The following ADI1 variants were observed in gnomAD, a reference collection of about 807,000 sequenced individuals.
ADI1 encodes acireductone dioxygenase 1.
A neutral mutation model predicts 18.7 loss-of-function variants in ADI1; 21 were observed. The observed-to-expected ratio is 1.13, with a 90% CI of 0.80 to 1.62. ADI1 has a LOEUF of 1.62. ADI1 is among the 40% of genes most tolerant of loss of function. The pLI, the probability that ADI1 is intolerant of heterozygous loss-of-function variation, is 0.00. For synonymous variants in ADI1, 90 were observed against 100.1 expected, an observed-to-expected ratio of 0.90 and a Z score of 0.60; for missense variants, 245 against 254.9, an observed-to-expected ratio of 0.96 and a Z score of 0.26.
Position 3,519,506 on chromosome 2 carries a change from C to G in ADI1, c.-19G>C, listed in dbSNP as rs1027796907. 9.5e-6 allele frequency: 12 copies of G among 1,269,096 alleles called. No individual in the cohort carries two copies. The highest frequency in any genetic ancestry group is 3.1e-5 in the East Asian group (1 of 32,182). 78.6% of individuals were successfully genotyped at this position (1,269,096 alleles called of 1,614,324 possible). ...GCACCATGACGCGCAGTGCGGGTGC[C>G]GTGTTCGAACCCAGGGGCCGCGCTC... On this transcript the variant is annotated 5_prime_UTR_variant, in exon 1 of 4. Transcript: ENST00000327435.
chr2:3,502,332 A>T (rs1667041827), intron 2 of ADI1, among the ~76,000 whole-genome samples: 1 of 152,156 alleles, frequency 6.6e-6, no homozygotes, highest in African/African-American at 2.4e-5. Context: ...CCCCCAGCCT[A>T]CCTTGTTATG....
intron 2 of ADI1, among the ~76,000 whole-genome samples, chr2:3,510,384 C>T (rs1030903829): frequency 6.6e-6 from 1 of 152,044 alleles, no homozygotes; most frequent in South Asian, 2.1e-4. Context: ...GTGACTTCAG[C>T]TTCCAACTAG....
chr2:3,518,767 G>T (rs1220922306), intron 1 of ADI1, among the ~76,000 whole-genome samples: 1 of 152,194 alleles, frequency 6.6e-6, no homozygotes, highest in African/African-American at 2.4e-5. Flanking sequence ...TTTGACCGAG[G>T]TTAGCCAGGC....
At chr2:3,500,660 G>T in intron 3 of ADI1, 154 bp downstream of exon 3, 1 of 1,003,362 alleles carries the variant, frequency 1.0e-6, no homozygotes, top group Non-Finnish European at 1.5e-6. Context: ...CATCGCCTGC[G>T]GCTCCACAGA....
chr2:3,504,903 T>TGGTTCACCTGAGAATGTTTGCATTGTC (rs1667141411), intron 2 of ADI1, among the ~76,000 whole-genome samples: 1 of 152,096 alleles, frequency 6.6e-6, no homozygotes, highest in East Asian at 1.9e-4. Context: ...TTTGCGTTGT[T>TGGTTCACCTGAGAATGTTTGCATTGTC]GGTTCACCTG....
intron 2 of ADI1, among the ~76,000 whole-genome samples, chr2:3,501,434 G>C (rs1367508661): frequency 2.0e-5 from 3 of 152,212 alleles, no homozygotes; most frequent in African/African-American, 4.8e-5. Flanking sequence ...GCACACAGCA[G>C]TCATGAAATC....
At chr2:3,501,026 C>T (rs745494511) in intron 2 of ADI1, 33 bp from the exon 3 acceptor site, 1 of 1,540,382 alleles carries the variant, frequency 6.5e-7, no homozygotes, top group East Asian at 2.3e-5. Context: ...GTGAGTCTAC[C>T]AGAGACCTGT....
chr2:3,513,559 A>T (rs1360738602), intron 2 of ADI1, among the ~76,000 whole-genome samples: 1 of 152,120 alleles, frequency 6.6e-6, no homozygotes, highest in Non-Finnish European at 1.5e-5. Context: ...TCTCTCTTTC[A>T]TTCCCACTCC....
At chr2:3,514,873 G>A (rs1410726382) in intron 1 of ADI1, 1 of 1,545,434 alleles carries the variant, frequency 6.5e-7, no homozygotes, top group African/African-American at 1.4e-5. Context: ...CTGGAGCCAT[G>A]GCAGAGGAAC....
At chr2:3,515,345 A>G (rs1558430032) in intron 1 of ADI1, 1 of 153,470 alleles carries the variant, frequency 6.5e-6, no homozygotes, top group East Asian at 1.9e-4. Context: ...GGTTGAGATA[A>G]GGACTGAGAT....
intron 2 of ADI1, among the ~76,000 whole-genome samples, chr2:3,503,173 TCA>T (rs759652857): frequency 3.5e-4 from 53 of 151,222 alleles, no homozygotes; most frequent in Admixed American, 5.9e-4. Flanking sequence ...ATGCGTACAT[TCA>T]CACTCACATG....
At chr2:3,516,916 G>T (rs75733531) in intron 1 of ADI1, 19 of 983,118 alleles carry the variant, frequency 1.9e-5, no homozygotes. Context: ...TGGCTTTTTT[G>T]TTTTTTGGGT....
At chr2:3,513,772 TA>T in intron 2 of ADI1, 84 bp downstream of exon 2, 1 of 1,424,968 alleles carries the variant, frequency 7.0e-7, no homozygotes, top group Non-Finnish European at 9.4e-7. Flanking sequence ...ATACAGACAT[TA>T]AAAGAAAAAA....
intron 2 of ADI1, among the ~76,000 whole-genome samples, chr2:3,511,129 G>A (rs910159055): frequency 6.6e-6 from 1 of 152,212 alleles, no homozygotes; most frequent in African/African-American, 2.4e-5. Context: ...ACCACAGTGA[G>A]TGACTTCTCA....
At chr2:3,501,803 C>G (rs1180511706) in intron 2 of ADI1, among the ~76,000 whole-genome samples, 2 of 152,158 alleles carry the variant, frequency 1.3e-5, no homozygotes, top group Non-Finnish European at 2.9e-5. Context: ...GCTGGGATTC[C>G]AGGTGGAAGC....
chr2:3,516,925 G>GT lies in ADI1; in HGVS notation c.120+2442dup, dbSNP rs1040506993. On this transcript the variant is annotated intron_variant, in intron 1 of 3. Coordinates refer to ENST00000327435, the MANE Select transcript of ADI1 (RefSeq NM_018269.4). The stretch of plus-strand genomic sequence containing the variant: ...TGTGTGTGGCTTTTTTGTTTTTTGG[G>GT]TTTTTTTAGAGATGAGGTCTCAAAC... 63 of 984,892 alleles carry GT rather than the reference G, an allele frequency of 6.4e-5. 1 individual carries two copies. The Admixed American group carries it at 2.8e-3, about 44-fold the overall frequency. The allele number at this position is 984,892 out of a possible 1,614,324, so 61.0% of individuals were successfully genotyped here. A position where few individuals can be genotyped will look rare whatever the true frequency, so the allele number is the denominator to read the frequency against.
In ADI1 at chr2:3,498,641, T is replaced by G. The variant is rs188601518; in HGVS notation, c.*322A>C. 63 of 240,456 alleles carry G rather than the reference T, an allele frequency of 2.6e-4. No homozygotes were observed. Among genetic ancestry groups the G allele is most frequent in the African/African-American group, 1.3e-3 (60 of 44,924 alleles). 14.9% of individuals were successfully genotyped at this position (240,456 alleles called of 1,614,324 possible). On this transcript the variant is annotated 3_prime_UTR_variant, in exon 4 of 4. Transcript: ENST00000327435. ...ACCTTCTTACACGGCAGGCGCGGCA[T>G]CACGTCCAGATGGGCATCTAAGGAA...
chr2:3,500,389 G>A (rs548000136), intron 3 of ADI1, among the ~76,000 whole-genome samples: 1 of 56,770 alleles, frequency 1.8e-5, no homozygotes, highest in African/African-American at 2.6e-4. Flanking sequence ...AAACTGAAAT[G>A]TTTTTAAAAG....
chr2:3,516,623 C>G (rs898858922), intron 1 of ADI1: 2 of 699,466 alleles, frequency 2.9e-6, no homozygotes, highest in African/African-American at 3.9e-5. Context: ...TAATCTTGGA[C>G]TTCTTAGCCT....
Sources: allele counts gnomAD v4.1 joint callset (sites outside exome capture counted in the v4.1 genomes callset), GRCh38; gene constraint gnomAD v4.1.1; transcripts MANE v1.5; gene names NCBI Gene and HGNC (gene_info 2026-07-23, HGNC 2026-07-21).